The following CDK19 variants were observed in gnomAD, a reference collection of about 807,000 sequenced individuals.
CDK19 encodes the protein cyclin dependent kinase 19, also known as cyclin-dependent kinase 19.
In CDK19, 20 loss-of-function variants were observed where a neutral mutation model predicts 68.3. The observed-to-expected ratio is 0.29, with a 90% CI of 0.21 to 0.43. The LOEUF is 0.43. CDK19 is among the 20% of genes least tolerant of loss of function. The pLI, the probability that CDK19 is intolerant of heterozygous loss-of-function variation, is 1.00. For synonymous variants in CDK19, 221 were observed against 222.8 expected (o/e 0.99, Z 0.07); for missense variants, 339 against 623.5 (o/e 0.54, Z 4.86).
At chr6:110,666,603 C>A (rs901376128) in intron 4 of CDK19, among the ~76,000 whole-genome samples, 1 of 151,964 alleles carries the variant, frequency 6.6e-6, no homozygotes, top group Non-Finnish European at 1.5e-5. Flanking sequence ...CTAACTAGAT[C>A]CTTTCGTCAA....
intron 1 of CDK19, among the ~76,000 whole-genome samples, chr6:110,748,499 A>G (rs1778229394): frequency 6.6e-6 from 1 of 152,262 alleles, no homozygotes; most frequent in South Asian, 2.1e-4. Flanking sequence ...TTAAATTGAG[A>G]ATGAAAGAAA....
At chr6:110,623,924 C>T (rs951921177) in intron 8 of CDK19, among the ~76,000 whole-genome samples, 27 of 141,554 alleles carry the variant, frequency 1.9e-4, no homozygotes, top group Non-Finnish European at 3.8e-4. Flanking sequence ...TATATATATA[C>T]GTGTATATAT....
At chr6:110,623,573 C>T (rs1355064217) in intron 8 of CDK19, 13 of 249,190 alleles carry the variant, frequency 5.2e-5, no homozygotes, top group Non-Finnish European at 7.0e-5. Flanking sequence ...GTTACAATCC[C>T]TTTGGAAAAC....
At chr6:110,783,668 C>T (rs1293308219) in intron 1 of CDK19, among the ~76,000 whole-genome samples, 1 of 150,926 alleles carries the variant, frequency 6.6e-6, no homozygotes, top group Non-Finnish European at 1.5e-5. Context: ...AAAGCACTTC[C>T]AGATCTAAAT....
intron 1 of CDK19, among the ~76,000 whole-genome samples, chr6:110,789,688 G>C (rs1761625599): frequency 6.6e-6 from 1 of 152,166 alleles, no homozygotes; most frequent in South Asian, 2.1e-4. Context: ...GGGATTGCAG[G>C]AATGAGTCAC....
At chr6:110,757,752 T>C (rs1009417733) in intron 1 of CDK19, among the ~76,000 whole-genome samples, 2 of 152,146 alleles carry the variant, frequency 1.3e-5, no homozygotes, top group African/African-American at 4.8e-5. Context: ...AAAGCACTTA[T>C]AGAAAGATAA....
intron 3 of CDK19, among the ~76,000 whole-genome samples, chr6:110,670,020 G>A (rs1250638856): frequency 6.6e-6 from 1 of 152,048 alleles, no homozygotes; most frequent in African/African-American, 2.4e-5. Context: ...AGCCAGGCAT[G>A]GTGGTGCATG....
intron 2 of CDK19, among the ~76,000 whole-genome samples, chr6:110,689,000 T>C (rs574064778): frequency 7.9e-5 from 12 of 152,228 alleles, no homozygotes; most frequent in Admixed American, 3.9e-4. Flanking sequence ...AGGTAAGGCT[T>C]ATACCCTGGG....
intron 4 of CDK19, chr6:110,646,062 G>C: frequency 1.1e-6 from 1 of 876,912 alleles, no homozygotes; most frequent in Admixed American, 2.0e-5. Context: ...TTTGTTGCCA[G>C]GCATGGGCGA....
chr6:110,614,458 T>G lies in CDK19; in HGVS notation c.*77A>C. ...TTAAATGGCATCATAGTTTGCATTT[T>G]TTTGGTTCTTTTCAATGCAGACATA... is the stretch of plus-strand genomic sequence containing the variant. On this transcript the variant is annotated 3_prime_UTR_variant, in exon 13 of 13. Transcript: ENST00000368911. 6.9e-7 allele frequency: 1 copy of G among 1,454,688 alleles called. No individual in the cohort carries two copies. Among genetic ancestry groups the G allele is most frequent in the Non-Finnish European group, 9.4e-7 (1 of 1,060,292 alleles). 90.1% of individuals were successfully genotyped at this position (1,454,688 alleles called of 1,614,324 possible).
intron 2 of CDK19, among the ~76,000 whole-genome samples, chr6:110,721,566 G>A (rs1401798399): frequency 6.6e-6 from 1 of 152,110 alleles, no homozygotes; most frequent in Non-Finnish European, 1.5e-5. Context: ...TTCTGGCTAG[G>A]CACATAAAAG....
intron 8 of CDK19, among the ~76,000 whole-genome samples, chr6:110,624,433 GATAAAAAGAATTACAGAAT>G (rs1174993409): frequency 1.7e-4 from 26 of 152,056 alleles, no homozygotes; most frequent in African/African-American, 6.3e-4. Context: ...GTATGTTCAT[GATAAAAAGAATTACAGAAT>G]ATAGAAAGTA....
intron 2 of CDK19, among the ~76,000 whole-genome samples, chr6:110,730,190 C>A (rs940379839): frequency 6.6e-6 from 1 of 152,050 alleles, no homozygotes; most frequent in African/African-American, 2.4e-5. Context: ...TGAAATCTCA[C>A]GAAGTTTTTC....
intron 1 of CDK19, chr6:110,814,740 G>A (rs1562310964): frequency 4.8e-6 from 3 of 627,144 alleles, no homozygotes; most frequent in South Asian, 1.5e-5. Flanking sequence ...TCCCCCCGCC[G>A]TCTCCGAGCA....
intron 4 of CDK19, among the ~76,000 whole-genome samples, chr6:110,654,920 A>G (rs1431212053): frequency 6.6e-6 from 1 of 151,982 alleles, no homozygotes; most frequent in Admixed American, 6.6e-5. Flanking sequence ...CAGCCTGGGC[A>G]ATAAGAACAA....
intron 1 of CDK19, among the ~76,000 whole-genome samples, chr6:110,803,537 G>C (rs1252932232): frequency 1.3e-5 from 2 of 152,122 alleles, no homozygotes; most frequent in Non-Finnish European, 2.9e-5. Flanking sequence ...TAGAATTCTG[G>C]TTTTGTAAGT....
At chr6:110,662,159 A>T (rs1781658884) in intron 4 of CDK19, among the ~76,000 whole-genome samples, 1 of 152,004 alleles carries the variant, frequency 6.6e-6, no homozygotes. Flanking sequence ...TAGTAGAGAT[A>T]GGGTTTCACC....
intron 2 of CDK19, among the ~76,000 whole-genome samples, chr6:110,686,737 AT>A (rs1328723496): frequency 6.6e-6 from 1 of 152,230 alleles, no homozygotes; most frequent in African/African-American, 2.4e-5. Context: ...TCTCAAGGAA[AT>A]AATCATAGGT....
intron 2 of CDK19, among the ~76,000 whole-genome samples, chr6:110,699,973 G>A (rs1189352718): frequency 6.6e-6 from 1 of 152,188 alleles, no homozygotes; most frequent in Non-Finnish European, 1.5e-5. Flanking sequence ...TGGGCAGCAG[G>A]TAAGTAAGCG....
Sources: allele counts gnomAD v4.1 joint callset (sites outside exome capture counted in the v4.1 genomes callset), GRCh38; gene constraint gnomAD v4.1.1; transcripts MANE v1.5; gene names NCBI Gene and HGNC (gene_info 2026-07-23, HGNC 2026-07-21).